Variants in NEMP2 observed in about 807,000 individuals in gnomAD.
NEMP2 encodes the protein UPF0571 transmembrane protein.
In NEMP2, 53 loss-of-function variants were observed where a neutral mutation model predicts 54.2. The observed-to-expected ratio is 0.98, with a 90% confidence interval of 0.78 to 1.23. The LOEUF (loss-of-function observed/expected upper bound fraction) is 1.23, where lower values mean the gene tolerates loss of function less well. Among genes scored for constraint, NEMP2 ranks in the 50% most tolerant of loss-of-function variants. NEMP2 has a pLI of 0.00. For synonymous variants in NEMP2, 197 were observed against 190.3 expected (o/e 1.04, Z -0.29); for missense variants, 455 against 511.3 (o/e 0.89, Z 1.06).
the NEMP2 span, among the ~76,000 whole-genome samples, chr2:190,584,218 C>A: frequency 2.0e-5 from 3 of 152,002 alleles, no homozygotes; most frequent in Non-Finnish European, 4.4e-5. This position sits in a 1 kb window ranked among gnomAD's most constrained non-coding sequence, Gnocchi z 4.2. Context: ...GGTAGGGTGG[C>A]AAATTAAGAG....
the NEMP2 span, among the ~76,000 whole-genome samples, chr2:190,555,785 C>A: frequency 1.3e-5 from 2 of 152,072 alleles, no homozygotes; most frequent in Non-Finnish European, 2.9e-5. The surrounding 1 kb of genome is among the most constrained non-coding windows in gnomAD (Gnocchi z 4.8). Flanking sequence ...CCTAGCAAGG[C>A]AGGCCAACAT....
chr2:190,487,906 T>A, the NEMP2 span, among the ~76,000 whole-genome samples: 21,930 of 152,096 alleles, frequency 0.14, 1,795 homozygotes, highest in Middle Eastern at 0.22. The surrounding 1 kb of genome is among the most constrained non-coding windows in gnomAD (Gnocchi z 5.5). Context: ...CAAAATAATT[T>A]TTTTTTCTTT....
At chr2:190,429,987 C>T in the NEMP2 span, among the ~76,000 whole-genome samples, 5 of 151,348 alleles carry the variant, frequency 3.3e-5, no homozygotes, top group Non-Finnish European at 5.9e-5. Flanking sequence ...CTAATGCTAT[C>T]CCTCCCCCAG....
At chr2:190,542,957 A>G in the NEMP2 span, among the ~76,000 whole-genome samples, 7 of 152,118 alleles carry the variant, frequency 4.6e-5, no homozygotes, top group African/African-American at 1.7e-4. The surrounding 1 kb of genome is among the most constrained non-coding windows in gnomAD (Gnocchi z 4.6). Flanking sequence ...ATCTATATCT[A>G]TGTCTTTGTA....
At chr2:190,585,808 T>C in the NEMP2 span, among the ~76,000 whole-genome samples, 1 of 152,136 alleles carries the variant, frequency 6.6e-6, no homozygotes, top group African/African-American at 2.4e-5. This position sits in a 1 kb window ranked among gnomAD's most constrained non-coding sequence, Gnocchi z 5.3. Context: ...TGCATTCTCC[T>C]TGGGACCCTC....
the NEMP2 span, among the ~76,000 whole-genome samples, chr2:190,494,900 A>G: frequency 1.3e-5 from 2 of 152,196 alleles, no homozygotes; most frequent in Non-Finnish European, 2.9e-5. This position sits in a 1 kb window ranked among gnomAD's most constrained non-coding sequence, Gnocchi z 5.7. Flanking sequence ...ATAATACTGA[A>G]CAGGGAGAAG....
At chr2:190,567,869 G>A in the NEMP2 span, among the ~76,000 whole-genome samples, 2 of 152,068 alleles carry the variant, frequency 1.3e-5, no homozygotes, top group East Asian at 1.9e-4. This position sits in a 1 kb window ranked among gnomAD's most constrained non-coding sequence, Gnocchi z 4.0. Flanking sequence ...GGATGGTCTC[G>A]ATCTCTTGAC....
the NEMP2 span, among the ~76,000 whole-genome samples, chr2:190,554,057 A>G: frequency 1.3e-5 from 2 of 152,154 alleles, no homozygotes; most frequent in Non-Finnish European, 2.9e-5. The surrounding 1 kb of genome is among the most constrained non-coding windows in gnomAD (Gnocchi z 5.7). Flanking sequence ...GGGAAGCACA[A>G]GGGGTCAGGG....
chr2:190,570,445 A>C, the NEMP2 span, among the ~76,000 whole-genome samples: 1 of 152,204 alleles, frequency 6.6e-6, no homozygotes, highest in African/African-American at 2.4e-5. The surrounding 1 kb of genome is among the most constrained non-coding windows in gnomAD (Gnocchi z 5.4). Context: ...GCCCAAGGGT[A>C]GCATGGTGGC....
At chr2:190,467,757 CAAGAAG>C in the NEMP2 span, among the ~76,000 whole-genome samples, 4 of 152,074 alleles carry the variant, frequency 2.6e-5, no homozygotes, top group Non-Finnish European at 5.9e-5. The surrounding 1 kb of genome is among the most constrained non-coding windows in gnomAD (Gnocchi z 5.5). Context: ...AAAAAAAACA[CAAGAAG>C]AATAAGATTT....
chr2:190,468,689 G>A, the NEMP2 span, among the ~76,000 whole-genome samples: 1 of 150,942 alleles, frequency 6.6e-6, no homozygotes, highest in South Asian at 2.1e-4. Context: ...GAACTCTTGG[G>A]CGCAAGTGAT....
chr2:190,601,269 G>A, the NEMP2 span, among the ~76,000 whole-genome samples: 7 of 152,306 alleles, frequency 4.6e-5, no homozygotes, highest in African/African-American at 1.4e-4. This position sits in a 1 kb window ranked among gnomAD's most constrained non-coding sequence, Gnocchi z 5.8. Flanking sequence ...CTAAGAGAAA[G>A]GCCCAGAACG....
chr2:190,509,640 C>T lies in NEMP2; in HGVS notation c.1131-328G>A, dbSNP rs1382591069. Among the ~76,000 whole-genome samples the T allele has an allele frequency of 6.6e-6, 1 of 152,146 alleles. No individual in the cohort carries two copies. The highest frequency in any genetic ancestry group is 1.5e-5 in the Non-Finnish European group (1 of 68,024). On this transcript the variant is annotated intron_variant, in intron 8 of 8. Transcript: ENST00000409150. This position sits in a 1 kb window ranked among gnomAD's most constrained non-coding sequence, Gnocchi z 6.1. ...TCATTATTTTGTTTCAAATACTTCC[C>T]CCTTCCATCTTTAATTTGAGGGCAC...
the NEMP2 span, among the ~76,000 whole-genome samples, chr2:190,496,429 CTTA>C: frequency 2.0e-5 from 3 of 152,134 alleles, no homozygotes; most frequent in Non-Finnish European, 4.4e-5. The surrounding 1 kb of genome is among the most constrained non-coding windows in gnomAD (Gnocchi z 4.7). Flanking sequence ...GTGGAGATTT[CTTA>C]AGAACTAAAA....
At chr2:190,516,670 G>A (rs900949571) in intron 5 of NEMP2, among the ~76,000 whole-genome samples, 2 of 152,202 alleles carry the variant, frequency 1.3e-5, no homozygotes, top group African/African-American at 4.8e-5. Context: ...TGAAGTTGGA[G>A]TTATAAGCAC....
At chr2:190,540,171 C>T in the NEMP2 span, among the ~76,000 whole-genome samples, 1,290 of 152,190 alleles carry the variant, frequency 8.5e-3, 13 homozygotes, top group African/African-American at 0.029. Context: ...TGTATTGGAA[C>T]GATCATATGG....
the NEMP2 span, chr2:190,436,519 C>T: frequency 6.7e-3 from 10,767 of 1,614,200 alleles, 57 homozygotes; most frequent in Non-Finnish European, 8.5e-3. This position sits in a 1 kb window ranked among gnomAD's most constrained non-coding sequence, Gnocchi z 5.3. Context: ...ACCAAAGATT[C>T]GCCCAACAAC....
At chr2:190,562,155 G>A in the NEMP2 span, among the ~76,000 whole-genome samples, 1 of 152,134 alleles carries the variant, frequency 6.6e-6, no homozygotes, top group Non-Finnish European at 1.5e-5. The surrounding 1 kb of genome is among the most constrained non-coding windows in gnomAD (Gnocchi z 5.0). Context: ...TTGGGTAGTC[G>A]ACCAAGAAGT....
At chr2:190,437,114 C>T in the NEMP2 span, 1 of 1,614,224 alleles carries the variant, frequency 6.2e-7, no homozygotes, top group South Asian at 1.1e-5. The surrounding 1 kb of genome is among the most constrained non-coding windows in gnomAD (Gnocchi z 5.9). Context: ...GGGTGTAAGC[C>T]CCCCGAGTAC....
Sources: gnomAD v4.1 joint callset for allele counts (sites outside exome capture counted in the v4.1 genomes callset) on GRCh38, gnomAD v4.1.1 for gene constraint, Gnocchi (gnomAD v3.1) non-coding constraint, MANE v1.5 for transcripts, NCBI Gene and HGNC (gene_info 2026-07-23, HGNC 2026-07-21) for gene names.